Variants in ARGFX observed in about 807,000 individuals in gnomAD.
The protein encoded by ARGFX is arginine-fifty homeobox.
ARGFX carries 10 observed loss-of-function variants against 8.0 expected under a neutral mutation model. That is an observed-to-expected ratio of 1.25 (90% confidence interval 0.77 to 2.12). ARGFX has a LOEUF of 2.12. ARGFX is among the 30% of genes most tolerant of loss of function. ARGFX has a pLI of 0.00. For synonymous variants in ARGFX, 116 were observed against 117.8 expected (o/e 0.98, Z 0.10); for missense variants, 282 against 324.3 (o/e 0.87, Z 1.00).
chr3:121,586,696 C>T lies in ARGFX; in HGVS notation c.*96C>T. ...CCTTTGTCTCATTTTAACCCAACATCTGGGTCTGTGTCTCTGATTTCCATG... is the reference window on the plus strand; with the variant it reads ...CCTTTGTCTCATTTTAACCCAACATTTGGGTCTGTGTCTCTGATTTCCATG... On this transcript the variant is annotated 3_prime_UTR_variant, in exon 5 of 5. Transcript: ENST00000334384. The T allele has an allele frequency of 1.9e-6, 2 of 1,050,186 alleles. No individual in the cohort carries two copies. Among genetic ancestry groups the T allele is most frequent in the East Asian group, 4.9e-5 (2 of 40,574 alleles). The allele number at this position is 1,050,186 out of a possible 1,614,324, so 65.1% of individuals were successfully genotyped here.
At chr3:121,575,614 A>C (rs2048731622) in intron 2 of ARGFX, among the ~76,000 whole-genome samples, 1 of 152,034 alleles carries the variant, frequency 6.6e-6, no homozygotes, top group Admixed American at 6.6e-5. Context: ...CTCTGGCTCA[A>C]TTAAGAAGGT....
chr3:121,586,420 C>T lies in ARGFX; in HGVS notation c.768C>T (p.Pro256=), dbSNP rs1194964001. The T allele has an allele frequency of 6.2e-7, 1 of 1,614,154 alleles. No homozygotes were observed. Among genetic ancestry groups the T allele is most frequent in the South Asian group, 1.1e-5 (1 of 91,082 alleles). The part of the protein sequence containing the change: ...SFHCLYQYLS[P]TKYQVGGQGS... ...ACTGTCTGTATCAGTATCTCTCACC[C>T]ACAAAGTACCAGGTAGGAGGACAGG... Residue 256 remains proline (P), a synonymous_variant, in exon 5 of 5, where the codon CCC becomes CCT. Coordinates refer to ENST00000334384, the MANE Select transcript of ARGFX (RefSeq NM_001012659.2).
rs1452809946 is a variant in ARGFX at position 121,588,154 on chromosome 3, A to G, written c.*1554A>G. The stretch of plus-strand genomic sequence containing the variant: ...ATGATCAACCTACAAAATTAATACC[A>G]TTTCTGAACACCAGTAATAAAGAAA... On this transcript the variant is annotated 3_prime_UTR_variant, in exon 5 of 5. Transcript: ENST00000334384. Among the ~76,000 whole-genome samples, 3 of 151,814 alleles carry G rather than the reference A, an allele frequency of 2.0e-5. No individual in the cohort carries two copies. Among genetic ancestry groups the G allele is most frequent in the Non-Finnish European group, 4.4e-5 (3 of 67,952 alleles).
At chr3:121,571,570 A>ATTT (rs1181693945) in intron 2 of ARGFX, among the ~76,000 whole-genome samples, 4 of 150,250 alleles carry the variant, frequency 2.7e-5, no homozygotes, top group Non-Finnish European at 4.4e-5. Context: ...TATTATTATT[A>ATTT]TTATTATTTT....
rs775767841 is a variant in ARGFX, at chr3:121,586,131, G to A, written c.479G>A (p.Arg160Lys). 1 of 1,613,570 alleles carries A rather than the reference G, an allele frequency of 6.2e-7. No homozygotes were observed. The highest frequency in any genetic ancestry group is 1.7e-5 in the Admixed American group (1 of 59,880). The change falls in exon 5 of 5, where the codon AGA becomes AAA. Residue 160 changes from arginine to lysine, a missense_variant. By Grantham distance (26) the Arg-to-Lys change is conservative. Coordinates refer to ENST00000334384, the MANE Select transcript of ARGFX (RefSeq NM_001012659.2). ...PSKKNVPTSP[R>K]TSPSPYAFSP... ...AAGAAGAATGTGCCCACCTCCCCCA[G>A]AACATCCCCCAGTCCTTATGCTTTT...
chr3:121,579,957 T>C lies in ARGFX; in HGVS notation c.220+3057T>C, dbSNP rs535477836. ...TTTCTTTTCTTTTCTTTTTTTTTTTTTTTTTTTTTTTTTTGAGACAGGTTT... is the reference window on the plus strand; with the variant it reads ...TTTCTTTTCTTTTCTTTTTTTTTTTCTTTTTTTTTTTTTTGAGACAGGTTT... On this transcript the variant is annotated intron_variant, in intron 3 of 4. Transcript: ENST00000334384. Among the ~76,000 whole-genome samples, 222 of 138,126 alleles carry C rather than the reference T, an allele frequency of 1.6e-3. 4 individuals are homozygous for C. Among genetic ancestry groups the C allele is most frequent in the Middle Eastern group, 3.6e-3 (1 of 278 alleles). 90.6% of individuals were successfully genotyped at this position (138,126 alleles called of 152,430 possible).
intron 2 of ARGFX, among the ~76,000 whole-genome samples, chr3:121,571,730 ATT>A (rs1173636701): frequency 1.5e-3 from 164 of 107,070 alleles, no homozygotes; most frequent in Non-Finnish European, 2.1e-3. Flanking sequence ...TGCCCGGCAA[ATT>A]TTTTTTTTTT....
At chr3:121,580,224 C>T (rs995950133) in intron 3 of ARGFX, among the ~76,000 whole-genome samples, 3 of 151,632 alleles carry the variant, frequency 2.0e-5, no homozygotes, top group Non-Finnish European at 4.4e-5. Flanking sequence ...CTTACTGCAA[C>T]CTCCGCCTCC....
rs756800220 is a variant in ARGFX, at chr3:121,588,311, C to CAAAAAAAAAA, written c.*1722_*1731dup. ...TGAAATCCCGTCTCTACTAAAAATA[C>CAAAAAAAAAA]AAAAAAAAAAAAAAAAAAAAGCCAG... On this transcript the variant is annotated 3_prime_UTR_variant, in exon 5 of 5. Coordinates refer to ENST00000334384, the MANE Select transcript of ARGFX (RefSeq NM_001012659.2). Among the ~76,000 whole-genome samples the CAAAAAAAAAA allele has an allele frequency of 6.4e-4, 33 of 51,400 alleles. 1 individual carries two copies. Among genetic ancestry groups the CAAAAAAAAAA allele is most frequent in the African/African-American group, 7.3e-4 (13 of 17,866 alleles). The allele number at this position is 51,400 out of a possible 152,430, so 33.7% of individuals were successfully genotyped here. A position where few individuals can be genotyped will look rare whatever the true frequency, so the allele number is the denominator to read the frequency against.
intron 3 of ARGFX, among the ~76,000 whole-genome samples, chr3:121,578,672 CTTT>C (rs34085338): frequency 7.1e-6 from 1 of 140,082 alleles, no homozygotes. Flanking sequence ...ATAGTTTTAT[CTTT>C]TTTTTTTTTT....
intron 3 of ARGFX, among the ~76,000 whole-genome samples, chr3:121,577,250 TATATA>T (rs1375886813): frequency 3.6e-5 from 2 of 55,298 alleles, no homozygotes; most frequent in African/African-American, 1.4e-4. Context: ...TATATATATA[TATATA>T]TATATTTTTT....
In ARGFX at chr3:121,586,474, A is replaced by G. The variant is rs2048813608; in HGVS notation, c.822A>G (p.Pro274=). 6.8e-6 allele frequency: 11 copies of G among 1,614,208 alleles called. No homozygotes were observed. The highest frequency in any genetic ancestry group is 9.3e-6 in the Non-Finnish European group (11 of 1,180,046). The change falls in exon 5 of 5, where the codon CCA becomes CCG. Residue 274 remains proline, a synonymous_variant. Transcript: ENST00000334384. The stretch of plus-strand genomic sequence containing the variant: ...CCTCTCTCAGCATCTTTGCTGGTCC[A>G]GCTGTAGGCCTATCTCCTGCACAAA... ...QGSSLSIFAG[P]AVGLSPAQTW...
chr3:121,587,046 C>T lies in ARGFX; in HGVS notation c.*446C>T, dbSNP rs2048816778. Among the ~76,000 whole-genome samples, 1 of 151,854 alleles carries T rather than the reference C, an allele frequency of 6.6e-6. No individual in the cohort carries two copies. The highest frequency in any genetic ancestry group is 1.5e-5 in the Non-Finnish European group (1 of 67,972). On this transcript the variant is annotated 3_prime_UTR_variant, in exon 5 of 5. Transcript: ENST00000334384. ...CTAGGACTACAGATGCTCGCCACCA[C>T]ACCTGGCTAATTTTTTTTTTTTGAG...
In ARGFX at chr3:121,587,509, C is replaced by CT. The variant is rs1409195961; in HGVS notation, c.*916dup. The stretch of plus-strand genomic sequence containing the variant: ...GGCTGGGTTATCTAGTTTAAAAACA[C>CT]TTTTTTTCAAGGAAACCGAAGAAAC... On this transcript the variant is annotated 3_prime_UTR_variant, in exon 5 of 5. Coordinates refer to ENST00000334384, the MANE Select transcript of ARGFX (RefSeq NM_001012659.2). 2.0e-5 allele frequency among the ~76,000 whole-genome samples: 3 copies of CT among 152,092 alleles called. No individual in the cohort carries two copies. The highest frequency in any genetic ancestry group is 4.8e-5 in the African/African-American group (2 of 41,412).
chr3:121,570,568 G>A (rs1166059558), intron 1 of ARGFX, 134 bp from the exon 2 acceptor site: 1 of 481,188 alleles, frequency 2.1e-6, no homozygotes, highest in Non-Finnish European at 3.7e-6. Flanking sequence ...TCATTTTCCA[G>A]CTGAGGTAGA....
At chr3:121,578,957 G>A (rs1246124572) in intron 3 of ARGFX, among the ~76,000 whole-genome samples, 3 of 151,930 alleles carry the variant, frequency 2.0e-5, no homozygotes, top group Non-Finnish European at 4.4e-5. Context: ...AATTAAAGGC[G>A]TGAGCCACCG....
chr3:121,589,778 A>G lies in ARGFX; in HGVS notation c.*3178A>G, dbSNP rs2048834794. 6.6e-6 allele frequency among the ~76,000 whole-genome samples: 1 copy of G among 152,216 alleles called. No homozygotes were observed. The highest frequency in any genetic ancestry group is 1.5e-5 in the Non-Finnish European group (1 of 68,038). ...AACTTAAATATACTTAACAACATAT[A>G]CCAAAAATATATGAGGCAAATTTTA... On this transcript the variant is annotated 3_prime_UTR_variant, in exon 5 of 5. Transcript: ENST00000334384.
rs558514315 is a variant in ARGFX, at chr3:121,588,481, A to AAAAAAAT, written c.*1907_*1913dup. ...CAACAGAGCAAGACTCTGTCTCAAAAAAAAAATAAAAAATAAAAAATAAAA... is the reference window on the plus strand; with the variant it reads ...CAACAGAGCAAGACTCTGTCTCAAAAAAAAAATAAAAAATAAAAAATAAAAAATAAAA... On this transcript the variant is annotated 3_prime_UTR_variant, in exon 5 of 5. Transcript: ENST00000334384. 2.8e-4 allele frequency among the ~76,000 whole-genome samples: 42 copies of AAAAAAAT among 150,616 alleles called. No individual in the cohort carries two copies. The highest frequency in any genetic ancestry group is 8.9e-4 in the African/African-American group (36 of 40,638).
At chr3:121,585,514 C>CT (rs751208785) in intron 4 of ARGFX, among the ~76,000 whole-genome samples, 2 of 151,976 alleles carry the variant, frequency 1.3e-5, no homozygotes, top group Admixed American at 1.3e-4. Context: ...TCTTTTTTCT[C>CT]TTTTTTTCAG....
Sources: gnomAD v4.1 joint callset for allele counts (sites outside exome capture counted in the v4.1 genomes callset) on GRCh38, gnomAD v4.1.1 for gene constraint, MANE v1.5 for transcripts, NCBI Gene and HGNC (gene_info 2026-07-23, HGNC 2026-07-21) for gene names.